The following MCTP2 variants were observed in gnomAD, a reference collection of about 807,000 sequenced individuals.
MCTP2 encodes multiple C2 and transmembrane domain containing 2, also known as multiple C2 and transmembrane domain-containing protein 2.
In MCTP2, 132 loss-of-function variants were observed where a neutral mutation model predicts 111.6. The ratio of observed to expected loss-of-function variants is 1.18; its 90% CI spans 1.03 to 1.37. The LOEUF is 1.37. MCTP2 is among the 40% of genes most tolerant of loss of function. The pLI, the probability that MCTP2 is intolerant of heterozygous loss-of-function variation, is 0.00. For missense variants in MCTP2, 1,183 were observed against 1,067.9 expected (o/e 1.11, Z -1.50); for synonymous variants, 395 against 387.7 (o/e 1.02, Z -0.22).
At chr15:94,277,770 G>A (rs1046000424) in intron 1 of MCTP2, among the ~76,000 whole-genome samples, 35 of 152,104 alleles carry the variant, frequency 2.3e-4, no homozygotes, top group African/African-American at 7.5e-4. Flanking sequence ...TTATATGTTT[G>A]TCAAAGCCCA....
chr15:94,270,117 T>C (rs1209586821), intron 1 of MCTP2, among the ~76,000 whole-genome samples: 5 of 152,146 alleles, frequency 3.3e-5, no homozygotes, highest in Non-Finnish European at 1.5e-5. Flanking sequence ...CTGGTCACAC[T>C]GACAGGGACA....
chr15:94,435,591 A>G (rs1224485906), intron 17 of MCTP2, among the ~76,000 whole-genome samples: 2 of 150,836 alleles, frequency 1.3e-5, no homozygotes, highest in Admixed American at 6.6e-5. Flanking sequence ...CATTTAAAAA[A>G]TCATGTCATC....
chr15:94,319,210 G>C (rs2076517514), intron 4 of MCTP2, among the ~76,000 whole-genome samples: 2 of 152,138 alleles, frequency 1.3e-5, no homozygotes, highest in East Asian at 3.9e-4. Context: ...GTATGATCTT[G>C]AGCCTGCTCA....
At chr15:94,241,994 G>A (rs1596132318) in intron 1 of MCTP2, among the ~76,000 whole-genome samples, 1 of 152,248 alleles carries the variant, frequency 6.6e-6, no homozygotes, top group East Asian at 1.9e-4. Flanking sequence ...GCACTACTCT[G>A]TATGGTTGTT....
intron 14 of MCTP2, among the ~76,000 whole-genome samples, chr15:94,390,749 G>T (rs28591311): frequency 6.2e-5 from 8 of 129,586 alleles, no homozygotes; most frequent in African/African-American, 1.5e-4. Flanking sequence ...TTTTTTTTTG[G>T]GATGGAGTCT....
At chr15:94,245,642 A>G (rs1050252951) in intron 1 of MCTP2, among the ~76,000 whole-genome samples, 11 of 146,348 alleles carry the variant, frequency 7.5e-5, no homozygotes, top group Non-Finnish European at 9.0e-5. Context: ...ATACTTATAC[A>G]TATACATATG....
rs143345305 is a variant in MCTP2 at position 94,268,380 on chromosome 15, G to T, written c.-65-29821G>T. ...TTTTTTTTGTATTTTTAGTAGAGAC[G>T]GGGTTTCACCACGTTGGCCAGGTTT... On this transcript the variant is annotated intron_variant, in intron 1 of 22. Coordinates refer to ENST00000357742, the MANE Select transcript of MCTP2 (RefSeq NM_001385001.1). Among the ~76,000 whole-genome samples the T allele has an allele frequency of 9.2e-4, 137 of 149,336 alleles. 2 individuals carry two copies. In the East Asian group the frequency reaches 0.023, roughly 25 times the overall value.
chr15:94,401,118 C>T (rs2081566685), intron 16 of MCTP2, among the ~76,000 whole-genome samples: 1 of 152,054 alleles, frequency 6.6e-6, no homozygotes, highest in Admixed American at 6.6e-5. Flanking sequence ...AAGACCTCCA[C>T]GTGGGGTGGC....
intron 1 of MCTP2, among the ~76,000 whole-genome samples, chr15:94,238,429 TATTA>T (rs947898346): frequency 4.6e-5 from 7 of 152,100 alleles, no homozygotes; most frequent in Non-Finnish European, 1.5e-5. Context: ...GCTGTTAGAA[TATTA>T]ATTTTTATAT....
intron 20 of MCTP2, among the ~76,000 whole-genome samples, chr15:94,465,641 C>T (rs2073211842): frequency 6.6e-6 from 1 of 151,986 alleles, no homozygotes; most frequent in Admixed American, 6.6e-5. Flanking sequence ...AAATGTTTCT[C>T]TTGTATCTCA....
At chr15:94,369,036 T>C (rs533712086) in intron 11 of MCTP2, among the ~76,000 whole-genome samples, 1 of 152,354 alleles carries the variant, frequency 6.6e-6, no homozygotes, top group East Asian at 1.9e-4. Flanking sequence ...TTTTAAGTTA[T>C]GAGGACAGAT....
At chr15:94,366,212 C>G (rs984292115) in intron 10 of MCTP2, among the ~76,000 whole-genome samples, 3 of 152,048 alleles carry the variant, frequency 2.0e-5, no homozygotes, top group Non-Finnish European at 4.4e-5. Context: ...TGTTTTGATT[C>G]AAATCAGAGG....
chr15:94,277,389 CTTTA>C (rs889584304), intron 1 of MCTP2, among the ~76,000 whole-genome samples: 2 of 152,102 alleles, frequency 1.3e-5, no homozygotes, highest in African/African-American at 4.8e-5. Context: ...TTTCTAGCAG[CTTTA>C]TTTATAATTG....
chr15:94,297,254 C>T (rs1016386102), intron 1 of MCTP2, among the ~76,000 whole-genome samples: 3 of 152,038 alleles, frequency 2.0e-5, no homozygotes, highest in African/African-American at 7.3e-5. Context: ...CTGTTATATC[C>T]CAAATCACCA....
At chr15:94,314,163 A>T in intron 2 of MCTP2, 119 bp from the exon 3 acceptor site, 2 of 664,070 alleles carry the variant, frequency 3.0e-6, no homozygotes, top group Non-Finnish European at 5.3e-6. Context: ...GGCGGCCCTC[A>T]CTGAAGCTGC....
chr15:94,449,797 C>T (rs2084329806), intron 19 of MCTP2, among the ~76,000 whole-genome samples: 1 of 152,120 alleles, frequency 6.6e-6, no homozygotes, highest in South Asian at 2.1e-4. Flanking sequence ...CTTTATTGTA[C>T]CTGGGAGAAA....
chr15:94,440,639 T>C (rs2083727828), intron 18 of MCTP2, among the ~76,000 whole-genome samples: 1 of 152,226 alleles, frequency 6.6e-6, no homozygotes, highest in African/African-American at 2.4e-5. Context: ...TTGCTGGCTC[T>C]GTGGGCCATT....
rs200075677 is a variant in MCTP2 at position 94,389,802 on chromosome 15, C to T, written c.1788+4277C>T. On this transcript the variant is annotated intron_variant, in intron 14 of 22. Transcript: ENST00000357742. ...TCATTTTCTCTAATCAAGTTATAAA[C>T]CGTAACTTGATTTACACTTTTAGAG... 2.6e-4 allele frequency among the ~76,000 whole-genome samples: 39 copies of T among 151,926 alleles called. 1 individual carries two copies. In the East Asian group the frequency reaches 7.4e-3, roughly 29 times the overall value.
intron 1 of MCTP2, among the ~76,000 whole-genome samples, chr15:94,244,754 CTA>C (rs771805080): frequency 4.1e-5 from 6 of 145,032 alleles, no homozygotes; most frequent in South Asian, 2.1e-4. Context: ...ACATATGCAC[CTA>C]TGTTTATATT....
Sources: allele counts gnomAD v4.1 joint callset (sites outside exome capture counted in the v4.1 genomes callset), GRCh38; gene constraint gnomAD v4.1.1; transcripts MANE v1.5; gene names NCBI Gene and HGNC (gene_info 2026-07-23, HGNC 2026-07-21).